The following ATP8B4 variants were observed in gnomAD, a reference collection of about 807,000 sequenced individuals.
The protein encoded by ATP8B4 is probable phospholipid-transporting ATPase IM.
In ATP8B4, 133 loss-of-function variants were observed where a neutral mutation model predicts 145.6. The observed-to-expected ratio is 0.91, with a 90% CI of 0.79 to 1.05. The LOEUF is 1.05. ATP8B4 is among the 50% of genes least tolerant of loss of function. The pLI is 0.00. For missense variants in ATP8B4, 1,458 were observed against 1,425.2 expected (o/e 1.02, Z -0.37); for synonymous variants, 507 against 492.9 (o/e 1.03, Z -0.38).
At chr15:50,003,274 A>ATATGTGTG (rs754252142) in intron 7 of ATP8B4, among the ~76,000 whole-genome samples, 3 of 141,088 alleles carry the variant, frequency 2.1e-5, no homozygotes, top group Admixed American at 7.1e-5. Flanking sequence ...TAGGGTGTGC[A>ATATGTGTG]TGTGTGTGTG....
intron 14 of ATP8B4, among the ~76,000 whole-genome samples, chr15:49,942,419 A>G (rs2042231463): frequency 6.6e-6 from 1 of 152,004 alleles, no homozygotes; most frequent in African/African-American, 2.4e-5. Flanking sequence ...CTTGGGGAGG[A>G]GGTATTTAGA....
chr15:49,960,971 A>G (rs2044018494), intron 14 of ATP8B4, among the ~76,000 whole-genome samples: 1 of 152,158 alleles, frequency 6.6e-6, no homozygotes, highest in Admixed American at 6.5e-5. Context: ...TCTCTACTAA[A>G]AAATACAAAA....
chr15:50,072,980 CTATATATATATATATATATATATA>C (rs374525582), intron 3 of ATP8B4, among the ~76,000 whole-genome samples: 1 of 22,878 alleles, frequency 4.4e-5, no homozygotes, highest in African/African-American at 1.8e-4. Flanking sequence ...CTCTCTCTCT[CTATATATATATATATATATATATA>C]TATATATATA....
chr15:50,087,141 T>A (rs1468680475), intron 2 of ATP8B4, among the ~76,000 whole-genome samples: 1 of 126,768 alleles, frequency 7.9e-6, no homozygotes, highest in African/African-American at 3.1e-5. Flanking sequence ...AGATCTATAT[T>A]TATTATATAT....
intron 20 of ATP8B4, among the ~76,000 whole-genome samples, chr15:49,903,233 C>A (rs533959481): frequency 1.3e-5 from 2 of 152,254 alleles, no homozygotes; most frequent in African/African-American, 4.8e-5. Flanking sequence ...CTGGTTCTCA[C>A]AAAAACGATT....
chr15:49,894,757 T>G (rs1302268237), intron 23 of ATP8B4: 1 of 151,856 alleles, frequency 6.6e-6, no homozygotes, highest in Non-Finnish European at 1.5e-5. Flanking sequence ...GCCCCTGGGG[T>G]GGGTAGAGTA....
chr15:49,976,273 A>G (rs2045654489), intron 12 of ATP8B4, among the ~76,000 whole-genome samples: 1 of 139,836 alleles, frequency 7.2e-6, no homozygotes, highest in African/African-American at 2.7e-5. Flanking sequence ...CTCCATGTAA[A>G]TTCCTTGCTA....
intron 3 of ATP8B4, among the ~76,000 whole-genome samples, chr15:50,049,890 T>C (rs1032914557): frequency 6.6e-6 from 1 of 152,218 alleles, no homozygotes; most frequent in African/African-American, 2.4e-5. Flanking sequence ...GGTTTTGATT[T>C]GCCTTTCTTT....
At chr15:49,968,525 G>T (rs2044771553) in intron 13 of ATP8B4, among the ~76,000 whole-genome samples, 1 of 152,292 alleles carries the variant, frequency 6.6e-6, no homozygotes, top group East Asian at 1.9e-4. Context: ...AAGAGACAAA[G>T]AAGGGCATTA....
intron 23 of ATP8B4, among the ~76,000 whole-genome samples, chr15:49,893,770 TAG>T (rs2037089351): frequency 6.6e-6 from 1 of 152,212 alleles, no homozygotes. Flanking sequence ...CACTTAAAAG[TAG>T]TTAAGTTGGT....
chr15:50,157,204 A>G (rs2044432576), intron 1 of ATP8B4, among the ~76,000 whole-genome samples: 1 of 152,196 alleles, frequency 6.6e-6, no homozygotes, highest in African/African-American at 2.4e-5. Flanking sequence ...AAAAGATAGA[A>G]AGTTTTTTTT....
chr15:50,148,639 T>C (rs1017466148), intron 1 of ATP8B4, among the ~76,000 whole-genome samples: 1 of 152,218 alleles, frequency 6.6e-6, no homozygotes, highest in Non-Finnish European at 1.5e-5. Flanking sequence ...TTGGACTTTC[T>C]AGCCTCCAAA....
At chr15:50,170,020 G>C (rs2044648947) in intron 1 of ATP8B4, among the ~76,000 whole-genome samples, 1 of 152,052 alleles carries the variant, frequency 6.6e-6, no homozygotes. Flanking sequence ...GCCTCCAAGA[G>C]TCTGGGATTA....
chr15:50,155,652 T>C (rs1286387246), intron 1 of ATP8B4, among the ~76,000 whole-genome samples: 1 of 152,182 alleles, frequency 6.6e-6, no homozygotes, highest in Admixed American at 6.5e-5. Flanking sequence ...TACATAACTA[T>C]GTCACGTTTT....
chr15:49,950,602 AC>A (rs150503064), intron 14 of ATP8B4, among the ~76,000 whole-genome samples: 57,715 of 114,258 alleles, frequency 0.51, 14,550 homozygotes, highest in East Asian at 0.92. Flanking sequence ...AAAAAAAAAA[AC>A]AAACAAACAA....
intron 16 of ATP8B4, among the ~76,000 whole-genome samples, chr15:49,928,450 T>C (rs948965739): frequency 1.3e-5 from 2 of 152,032 alleles, no homozygotes; most frequent in African/African-American, 4.8e-5. Context: ...CTCAAAGTTT[T>C]GGAAAGTAGA....
intron 2 of ATP8B4, among the ~76,000 whole-genome samples, chr15:50,076,731 C>T (rs1600222507): frequency 6.6e-6 from 1 of 152,282 alleles, no homozygotes; most frequent in African/African-American, 2.4e-5. Context: ...GTGTCTGTTA[C>T]TTCTACTAAT....
chr15:50,120,745 C>A (rs1316709659), upstream of ATP8B4, among the ~76,000 whole-genome samples: 1 of 152,116 alleles, frequency 6.6e-6, no homozygotes, highest in Non-Finnish European at 1.5e-5. Flanking sequence ...ATATAAGAGA[C>A]TGCCTAAATA....
At chr15:50,156,111 TATATATAAATATATTTATATATATATAA>T (rs1428097635) in intron 1 of ATP8B4, among the ~76,000 whole-genome samples, 2,290 of 17,636 alleles carry the variant, frequency 0.13, 205 homozygotes, top group East Asian at 0.31. Flanking sequence ...TATATAAATA[TATATATAAATATATTTATATATATATAA>T]ATATATATAT....
Sources: allele counts gnomAD v4.1 joint callset (sites outside exome capture counted in the v4.1 genomes callset), GRCh38; gene constraint gnomAD v4.1.1; transcripts MANE v1.5; gene names NCBI Gene and HGNC (gene_info 2026-07-23, HGNC 2026-07-21).